The following FBL variants were observed in gnomAD, a reference collection of about 807,000 sequenced individuals.
The protein encoded by FBL is rRNA 2'-O-methyltransferase fibrillarin.
FBL carries 10 observed loss-of-function variants against 42.2 expected under a neutral mutation model. The observed-to-expected ratio is 0.24, with a 90% CI of 0.15 to 0.40. The LOEUF (loss-of-function observed/expected upper bound fraction) is 0.40, where lower values mean the gene tolerates loss of function less well. FBL is among the 10% of genes least tolerant of loss of function. The probability of loss-of-function intolerance (pLI) is 1.00; values close to 1 mark genes in which losing one functional copy is unlikely to be tolerated. For synonymous variants in FBL, 165 were observed against 165.4 expected, an observed-to-expected ratio of 1.00 and a Z score of 0.02; for missense variants, 351 against 439.2, an observed-to-expected ratio of 0.80 and a Z score of 1.79.
intron 1 of FBL, among the ~76,000 whole-genome samples, chr19:39,843,803 C>T (rs1167538028): frequency 1.3e-5 from 2 of 152,084 alleles, no homozygotes; most frequent in Non-Finnish European, 2.9e-5. Context: ...AGTGCTCATC[C>T]TATAGGGTTG....
chr19:39,845,223 A>C, intron 1 of FBL, among the ~76,000 whole-genome samples: 1 of 152,196 alleles, frequency 6.6e-6, no homozygotes, highest in Non-Finnish European at 1.5e-5. Context: ...GCAAGTTCTC[A>C]CACAGATGAG....
chr19:39,838,975 C>T (rs902055737), intron 5 of FBL, 60 bp downstream of exon 5: 1 of 1,479,224 alleles, frequency 6.8e-7, no homozygotes. Context: ...CCTGATATTC[C>T]AGGTTGGCAG....
chr19:39,837,912 A>G (rs752669382), intron 5 of FBL, 69 bp from the exon 6 acceptor site: 1 of 1,289,344 alleles, frequency 7.8e-7, no homozygotes, highest in Non-Finnish European at 1.1e-6. Context: ...CTTTAGGCCC[A>G]TACACTATAC....
chr19:39,839,091 A>G lies in FBL; in HGVS notation c.493T>C (p.Tyr165His). 6.2e-7 allele frequency: 1 copy of G among 1,614,202 alleles called. No homozygotes were observed. The highest frequency in any genetic ancestry group is 8.5e-7 in the Non-Finnish European group (1 of 1,180,018). The change falls in exon 5 of 9, where the codon TAC becomes CAC. Residue 165 changes from tyrosine (Y) to histidine (H), a missense_variant. Physicochemically the swap from Tyr to His is moderately conservative, Grantham distance 83 (BLOSUM62 2). Transcript: ENST00000221801. The part of the protein sequence containing the change: ...IHIKPGAKVL[Y>H]LGAASGTTVS... Reference sequence around the variant, plus strand: ...GTGGTGCCCGAGGCAGCCCCGAGGTAGAGAACCTTAGCCCCCGGTTTGATG... The same window carrying G: ...GTGGTGCCCGAGGCAGCCCCGAGGTGGAGAACCTTAGCCCCCGGTTTGATG...
chr19:39,838,284 T>G (rs1969090733), intron 5 of FBL: 2 of 150,202 alleles, frequency 1.3e-5, no homozygotes. Context: ...TTTTTTTTTT[T>G]GAGTCTCACT....
chr19:39,834,601 G>C (rs1218915122), intron 8 of FBL, 39 bp from the exon 9 acceptor site: 2 of 1,614,030 alleles, frequency 1.2e-6, no homozygotes, highest in African/African-American at 2.7e-5. Flanking sequence ...GGGTCCCCAG[G>C]ATCATGGCAC....
intron 7 of FBL, among the ~76,000 whole-genome samples, chr19:39,835,228 AC>A (rs1406865150): frequency 6.6e-6 from 1 of 152,222 alleles, no homozygotes; most frequent in Admixed American, 6.5e-5. Context: ...ATTATAAATT[AC>A]CCAGTCTAAG....
At position 39,834,554 on chromosome 19, in the gene FBL, G is replaced by T. The variant is rs770510868; in HGVS notation, c.950C>A (p.Pro317His). ...AVVVGVYRPP[P>H]KVKN is the part of the protein sequence containing the mutation. ...CGCTGAACTTCAGTTCTTCACCTTG[G>T]GGGGTGGCCTGTGAGAGGAAGATAG... Residue 317 changes from proline to histidine, a missense_variant, in exon 9 of 9, where the codon CCC (proline) becomes CAC (histidine). Transcript: ENST00000221801. The T allele has an allele frequency of 1.6e-5, 26 of 1,614,114 alleles. No homozygotes were observed. The highest frequency in any genetic ancestry group is 6.7e-5 in the East Asian group (3 of 44,870).
intron 7 of FBL, among the ~76,000 whole-genome samples, chr19:39,835,203 A>G (rs1363841037): frequency 6.6e-6 from 1 of 152,234 alleles, no homozygotes; most frequent in African/African-American, 2.4e-5. Flanking sequence ...CTGGGAGCCA[A>G]ATAAATTTCC....
At chr19:39,844,238 T>C (rs1969216324) in intron 1 of FBL, among the ~76,000 whole-genome samples, 1 of 152,160 alleles carries the variant, frequency 6.6e-6, no homozygotes, top group Admixed American at 6.5e-5. Flanking sequence ...GACCTTCATT[T>C]AGGGGAGATG....
chr19:39,836,513 TAG>T, intron 7 of FBL, 41 bp downstream of exon 7: 1 of 1,356,826 alleles, frequency 7.4e-7, no homozygotes, highest in Non-Finnish European at 1.1e-6. Context: ...GATACCTCCC[TAG>T]AACACTGCCA....
At chr19:39,836,034 G>C (rs1393584058) in intron 7 of FBL, among the ~76,000 whole-genome samples, 1 of 152,092 alleles carries the variant, frequency 6.6e-6, no homozygotes, top group African/African-American at 2.4e-5. Context: ...CCCAGGAATT[G>C]TTTGGCTTAT....
chr19:39,846,155 C>T, intron 1 of FBL, 136 bp downstream of exon 1: 1 of 1,016,030 alleles, frequency 9.8e-7, no homozygotes, highest in Non-Finnish European at 1.5e-6. Context: ...TCAGAATCCC[C>T]CTTCCCACAG....
At chr19:39,845,063 AG>A (rs1969234903) in intron 1 of FBL, among the ~76,000 whole-genome samples, 1 of 152,174 alleles carries the variant, frequency 6.6e-6, no homozygotes, top group African/African-American at 2.4e-5. Context: ...CGGAAGAGAA[AG>A]GGAACTTGGG....
chr19:39,835,356 T>C (rs955333318), intron 7 of FBL, among the ~76,000 whole-genome samples: 2 of 151,878 alleles, frequency 1.3e-5, no homozygotes, highest in African/African-American at 4.8e-5. Flanking sequence ...CTATCTCTAC[T>C]AAAAATACAA....
In FBL at chr19:39,834,741, TCTC is replaced by T; in HGVS notation, c.865_867del (p.Glu289del). The T allele has an allele frequency of 1.2e-6, 2 of 1,614,146 alleles. No homozygotes were observed. The highest frequency in any genetic ancestry group is 8.5e-7 in the Non-Finnish European group (1 of 1,180,018). ...GTCAACTGCTCCTGCGGCTTCATGT[TCTC>T]CTGTTGCATCTTTTTCACTTCGGAG... On this transcript the variant is annotated inframe_deletion, in exon 8 of 9. Coordinates refer to ENST00000221801, the MANE Select transcript of FBL (RefSeq NM_001436.4).
Position 39,846,317 on chromosome 19 carries a change from T to C in FBL, c.-17A>G, listed in dbSNP as rs200033307. ...TGGCTTCATGGCGAGCCCTGGTTTG[T>C]GCGGCTCCGGAGTCCGCGGCGTTCA... On this transcript the variant is annotated 5_prime_UTR_variant, in exon 1 of 9. Transcript: ENST00000221801. 7 of 1,613,378 alleles carry C rather than the reference T, an allele frequency of 4.3e-6. No homozygotes were observed. The highest frequency in any genetic ancestry group is 4.5e-5 in the East Asian group (2 of 44,854).
At chr19:39,842,944 C>A (rs1313141625) in intron 1 of FBL, among the ~76,000 whole-genome samples, 2 of 152,120 alleles carry the variant, frequency 1.3e-5, no homozygotes, top group Non-Finnish European at 1.5e-5. Flanking sequence ...AAATCTTTAC[C>A]ACGTGCTGTT....
At chr19:39,839,902 C>T (rs969051992) in intron 4 of FBL, among the ~76,000 whole-genome samples, 3 of 151,984 alleles carry the variant, frequency 2.0e-5, no homozygotes, top group African/African-American at 4.8e-5. Context: ...ATGATAAGGA[C>T]GCAGCCTCCC....
Sources: gnomAD v4.1 joint callset for allele counts (sites outside exome capture counted in the v4.1 genomes callset) on GRCh38, gnomAD v4.1.1 for gene constraint, MANE v1.5 for transcripts, NCBI Gene and HGNC (gene_info 2026-07-23, HGNC 2026-07-21) for gene names.